The following SSBP3 variants were observed in gnomAD, a reference collection of about 807,000 sequenced individuals.
SSBP3 encodes single-stranded DNA-binding protein 3.
Under a neutral mutation model 69.6 loss-of-function variants are expected in SSBP3, and 5 were observed. The ratio of observed to expected loss-of-function variants is 0.07; its 90% CI spans 0.04 to 0.15. SSBP3 has a LOEUF of 0.15. Among genes scored for constraint, SSBP3 ranks in the 10% least tolerant of loss-of-function variants. SSBP3 has a pLI of 1.00. For missense variants in SSBP3, 312 were observed against 534.0 expected, an observed-to-expected ratio of 0.58 and a Z score of 4.10; for synonymous variants, 196 against 193.4, an observed-to-expected ratio of 1.01 and a Z score of -0.11.
intron 13 of SSBP3, among the ~76,000 whole-genome samples, chr1:54,239,926 T>C (rs1447505589): frequency 6.6e-6 from 1 of 152,186 alleles, no homozygotes; most frequent in Non-Finnish European, 1.5e-5. Flanking sequence ...CTGTAATTCT[T>C]GGGCAGAAAT....
intron 4 of SSBP3, among the ~76,000 whole-genome samples, chr1:54,302,480 T>G (rs112152395): frequency 0.04 from 6,099 of 152,140 alleles, 415 homozygotes; most frequent in African/African-American, 0.14. Flanking sequence ...CCTGGCTAAT[T>G]TTGTATTTTT....
chr1:54,336,093 C>T (rs1646502786), intron 4 of SSBP3, among the ~76,000 whole-genome samples: 1 of 152,204 alleles, frequency 6.6e-6, no homozygotes, highest in African/African-American at 2.4e-5. Context: ...TAAACAGAAC[C>T]ATCTCTAAAG....
At chr1:54,296,612 G>A (rs1645708042) in intron 4 of SSBP3, among the ~76,000 whole-genome samples, 1 of 152,230 alleles carries the variant, frequency 6.6e-6, no homozygotes, top group Non-Finnish European at 1.5e-5. Context: ...CAAGATGTCT[G>A]TGCCTTGGCT....
chr1:54,260,998 G>A (rs1008058628), intron 5 of SSBP3, among the ~76,000 whole-genome samples: 14 of 152,160 alleles, frequency 9.2e-5, no homozygotes, highest in African/African-American at 2.4e-4. Context: ...CCCACCTCTC[G>A]GCACAGAGCC....
At position 54,258,211 on chromosome 1, in the gene SSBP3, G is replaced by T; in HGVS notation, c.367-62C>A. ...CAGCACATGGAGAAGCGCAGAAGCAGCTTAAAAGAACAAAAATTAAACCAA... is the reference window on the plus strand; with the variant it reads ...CAGCACATGGAGAAGCGCAGAAGCATCTTAAAAGAACAAAAATTAAACCAA... On this transcript the variant is annotated intron_variant, in intron 5 of 17. Transcript: ENST00000610401. The surrounding 1 kb of genome is among the most constrained non-coding windows in gnomAD (Gnocchi z 4.5). The T allele has an allele frequency of 7.6e-7, 1 of 1,314,954 alleles. No homozygotes were observed. Among genetic ancestry groups the T allele is most frequent in the Non-Finnish European group, 1.0e-6 (1 of 1,003,320 alleles). The allele number at this position is 1,314,954 out of a possible 1,614,324, so 81.5% of individuals were successfully genotyped here. A position where few individuals can be genotyped will look rare whatever the true frequency, so the allele number is the denominator to read the frequency against.
intron 4 of SSBP3, among the ~76,000 whole-genome samples, chr1:54,398,879 C>A (rs1163772474): frequency 6.6e-6 from 1 of 152,150 alleles, no homozygotes; most frequent in African/African-American, 2.4e-5. Context: ...CCAGGCTGCA[C>A]AAACTCCCCA....
chr1:54,305,679 T>C (rs1389977937), intron 4 of SSBP3, among the ~76,000 whole-genome samples: 5 of 150,758 alleles, frequency 3.3e-5, no homozygotes, highest in South Asian at 2.1e-4. Flanking sequence ...CCCAGGCTGG[T>C]ACTTCTGAGC....
At chr1:54,252,235 C>G (rs1457188542) in intron 7 of SSBP3, among the ~76,000 whole-genome samples, 2 of 152,214 alleles carry the variant, frequency 1.3e-5, no homozygotes, top group Non-Finnish European at 2.9e-5. Flanking sequence ...GTGCCCACTC[C>G]CTCCTTCTGC....
chr1:54,348,649 T>C (rs969038262), intron 4 of SSBP3, among the ~76,000 whole-genome samples: 1 of 152,206 alleles, frequency 6.6e-6, no homozygotes, highest in Non-Finnish European at 1.5e-5. Flanking sequence ...GCTGGGCAGA[T>C]AGATGTGGTG....
intron 4 of SSBP3, among the ~76,000 whole-genome samples, chr1:54,306,317 G>A (rs150380416): frequency 1.3e-5 from 2 of 152,340 alleles, no homozygotes; most frequent in South Asian, 2.1e-4. Flanking sequence ...GGTGTCAGCC[G>A]TGTGTCAAAA....
intron 14 of SSBP3, chr1:54,238,165 G>A (rs1370135895): frequency 2.1e-6 from 1 of 471,074 alleles, no homozygotes; most frequent in East Asian, 6.9e-5. Flanking sequence ...GAGGGCTGCT[G>A]GATGTAGGCA....
chr1:54,227,167 A>C lies in SSBP3; in HGVS notation c.1138-7T>G. 3 of 787,618 alleles carry C rather than the reference A, an allele frequency of 3.8e-6. No individual in the cohort carries two copies. The highest frequency in any genetic ancestry group is 2.5e-5 in the African/African-American group (1 of 39,446). 48.8% of individuals were successfully genotyped at this position (787,618 alleles called of 1,614,324 possible). A position where few individuals can be genotyped will look rare whatever the true frequency, so the allele number is the denominator to read the frequency against. On this transcript the variant is annotated splice_region_variant and splice_polypyrimidine_tract_variant and intron_variant, in intron 17 of 17. Coordinates refer to ENST00000610401, the Ensembl canonical transcript of SSBP3. The stretch of plus-strand genomic sequence containing the variant: ...TCGTCATGCTTGGAGAATACTGGAA[A>C]GGAGAAGCAGAGAAGGGGGGGGGGT...
In SSBP3 at chr1:54,368,018, T is replaced by C. The variant is rs372900090; in HGVS notation, c.276+33843A>G. ...TACTCATTTAAAAAGATAGAAAACC[T>C]AGGCCGGGCACAGTGGCTCACACCT... On this transcript the variant is annotated intron_variant, in intron 4 of 17. Transcript: ENST00000610401. 2.3e-4 allele frequency among the ~76,000 whole-genome samples: 35 copies of C among 152,182 alleles called. No individual in the cohort carries two copies. In the East Asian group the frequency reaches 6.6e-3, roughly 29 times the overall value.
At chr1:54,270,370 C>G (rs1645172101) in intron 5 of SSBP3, among the ~76,000 whole-genome samples, 1 of 152,184 alleles carries the variant, frequency 6.6e-6, no homozygotes, top group South Asian at 2.1e-4. Context: ...CCCCCGGCAG[C>G]TCCTGTGCGG....
chr1:54,370,554 T>C (rs527693537), intron 4 of SSBP3, among the ~76,000 whole-genome samples: 4 of 152,172 alleles, frequency 2.6e-5, no homozygotes, highest in Non-Finnish European at 4.4e-5. Context: ...TGCTTCATCA[T>C]ATACTGGACA....
chr1:54,255,091 A>G (rs986928705), intron 7 of SSBP3, among the ~76,000 whole-genome samples: 4 of 138,938 alleles, frequency 2.9e-5, no homozygotes, highest in African/African-American at 1.1e-4. Flanking sequence ...TGAGCCTCCC[A>G]AAGTGCTAGC....
intron 4 of SSBP3, among the ~76,000 whole-genome samples, chr1:54,307,337 C>T (rs1645919000): frequency 6.6e-6 from 1 of 152,176 alleles, no homozygotes; most frequent in South Asian, 2.1e-4. Context: ...TTTACATCCA[C>T]TCCCAGGCAC....
chr1:54,231,717 C>T (rs551683223), intron 14 of SSBP3, among the ~76,000 whole-genome samples: 141 of 152,168 alleles, frequency 9.3e-4, no homozygotes, highest in African/African-American at 3.2e-3. Context: ...ATTTTTGAGA[C>T]GGGTTCTCAC....
intron 4 of SSBP3, among the ~76,000 whole-genome samples, chr1:54,284,601 G>A (rs1224925038): frequency 1.3e-5 from 2 of 151,760 alleles, no homozygotes; most frequent in Non-Finnish European, 2.9e-5. Flanking sequence ...TCAGGTAGCT[G>A]GGAATACATG....
Sources: allele counts gnomAD v4.1 joint callset (sites outside exome capture counted in the v4.1 genomes callset), GRCh38; gene constraint gnomAD v4.1.1; non-coding constraint Gnocchi (gnomAD v3.1); transcripts MANE v1.5; gene names NCBI Gene and HGNC (gene_info 2026-07-23, HGNC 2026-07-21).